Variants in CDH4 observed in about 807,000 individuals in gnomAD.
The protein encoded by CDH4 is cadherin-4.
Under a neutral mutation model 86.0 loss-of-function variants are expected in CDH4, and 33 were observed. That is an observed-to-expected ratio of 0.38 (90% CI 0.29 to 0.51). The LOEUF (loss-of-function observed/expected upper bound fraction) is 0.51. Ranked by LOEUF, CDH4 falls within the 20% of genes least tolerant of loss-of-function variation. CDH4 has a pLI of 0.86. For missense variants in CDH4, 1,114 were observed against 1,307.4 expected, an observed-to-expected ratio of 0.85 and a Z score of 2.28; for synonymous variants, 555 against 549.4, an observed-to-expected ratio of 1.01 and a Z score of -0.14.
At chr20:61,502,527 C>T (rs2085711174) in intron 2 of CDH4, among the ~76,000 whole-genome samples, 1 of 152,282 alleles carries the variant, frequency 6.6e-6, no homozygotes, top group African/African-American at 2.4e-5. Context: ...AGAGGAGTTA[C>T]AGATGCAACA....
chr20:61,823,738 G>A (rs544728123), intron 4 of CDH4, among the ~76,000 whole-genome samples: 1 of 152,286 alleles, frequency 6.6e-6, no homozygotes, highest in East Asian at 1.9e-4. Flanking sequence ...ATCTCTTGGT[G>A]TCCACTGAAG....
chr20:61,570,275 CCTTA>C (rs1339658634), intron 2 of CDH4: 2 of 217,370 alleles, frequency 9.2e-6, no homozygotes, highest in African/African-American at 4.5e-5. Context: ...TATGTACGTG[CCTTA>C]CTTAAAATTC....
intron 6 of CDH4, among the ~76,000 whole-genome samples, chr20:61,860,094 G>T (rs953149527): frequency 2.3e-4 from 35 of 152,258 alleles, no homozygotes; most frequent in African/African-American, 8.2e-4. Flanking sequence ...GCTCCCGGCA[G>T]TGACGCTGTC....
intron 2 of CDH4, among the ~76,000 whole-genome samples, chr20:61,637,559 T>C (rs1471729921): frequency 6.6e-6 from 1 of 152,242 alleles, no homozygotes; most frequent in African/African-American, 2.4e-5. Context: ...TATGTCAGCT[T>C]TTCTGTGAAT....
chr20:61,300,425 C>G (rs901391173), intron 2 of CDH4, among the ~76,000 whole-genome samples: 2 of 152,126 alleles, frequency 1.3e-5, no homozygotes, highest in African/African-American at 4.8e-5. Flanking sequence ...GGCTCCGGCA[C>G]AGGGCACTCT....
chr20:61,678,581 C>T (rs1401645493), intron 2 of CDH4, among the ~76,000 whole-genome samples: 19 of 152,236 alleles, frequency 1.2e-4, no homozygotes, highest in Non-Finnish European at 5.9e-5. Context: ...ACTGCAGTAA[C>T]AAGTGCCACC....
intron 9 of CDH4, among the ~76,000 whole-genome samples, chr20:61,912,338 T>G (rs2054860005): frequency 6.6e-6 from 1 of 152,232 alleles, no homozygotes; most frequent in African/African-American, 2.4e-5. Context: ...GAAAATAGGC[T>G]TTCTCCAGGA....
chr20:61,790,669 C>T (rs968871054), intron 4 of CDH4, among the ~76,000 whole-genome samples: 3 of 152,064 alleles, frequency 2.0e-5, no homozygotes, highest in African/African-American at 7.2e-5. Context: ...ACCCACCCAC[C>T]ATCCATCCAT....
chr20:61,320,819 C>G (rs774877003), intron 2 of CDH4, among the ~76,000 whole-genome samples: 10 of 151,976 alleles, frequency 6.6e-5, no homozygotes, highest in Non-Finnish European at 1.0e-4. Context: ...AGGTCCTGTG[C>G]TGGGAGGGAG....
chr20:61,313,008 C>CGGTGA (rs1437482135), intron 2 of CDH4, among the ~76,000 whole-genome samples: 1 of 152,194 alleles, frequency 6.6e-6, no homozygotes, highest in African/African-American at 2.4e-5. Context: ...TGTGGGGTTG[C>CGGTGA]GGTGAGCCCT....
intron 1 of CDH4, 128 bp from the exon 2 acceptor site, chr20:61,254,698 G>A: frequency 1.4e-6 from 1 of 700,354 alleles, no homozygotes; most frequent in Admixed American, 2.0e-5. Flanking sequence ...GCGTCTGGGT[G>A]GAGACGGTGG....
intron 2 of CDH4, among the ~76,000 whole-genome samples, chr20:61,395,112 C>G: frequency 6.6e-6 from 1 of 151,590 alleles, no homozygotes; most frequent in Non-Finnish European, 1.5e-5. Context: ...TGGGAAGTCC[C>G]AGGGGGGAGA....
chr20:61,568,235 CAT>C (rs1270491206), intron 2 of CDH4, among the ~76,000 whole-genome samples: 1 of 152,154 alleles, frequency 6.6e-6, no homozygotes, highest in Non-Finnish European at 1.5e-5. Context: ...ATAATCCCCA[CAT>C]GTGGTGGGAG....
intron 2 of CDH4, among the ~76,000 whole-genome samples, chr20:61,346,075 A>G (rs2084677830): frequency 6.6e-6 from 1 of 152,204 alleles, no homozygotes; most frequent in Non-Finnish European, 1.5e-5. Flanking sequence ...AAATTAACCC[A>G]CGCGGGATAA....
intron 2 of CDH4, among the ~76,000 whole-genome samples, chr20:61,546,094 G>GTGTGTA (rs796569129): frequency 3.6e-4 from 13 of 36,260 alleles, no homozygotes; most frequent in South Asian, 1.0e-3. Context: ...ACGTGTGTGT[G>GTGTGTA]TGGAGGGGTG....
At chr20:61,574,366 G>A (rs770157295) in intron 2 of CDH4, among the ~76,000 whole-genome samples, 4 of 152,242 alleles carry the variant, frequency 2.6e-5, no homozygotes, top group Non-Finnish European at 4.4e-5. Context: ...GAAATGAAGT[G>A]GACGTAGGCA....
chr20:61,590,058 G>A (rs888775131), intron 2 of CDH4, among the ~76,000 whole-genome samples: 1 of 151,768 alleles, frequency 6.6e-6, no homozygotes, highest in Non-Finnish European at 1.5e-5. Context: ...TGGGCTCCCC[G>A]GACAGAGGGG....
At chr20:61,367,490 A>C (rs1189975482) in intron 2 of CDH4, among the ~76,000 whole-genome samples, 7 of 152,164 alleles carry the variant, frequency 4.6e-5, no homozygotes, top group African/African-American at 1.7e-4. Flanking sequence ...AGGGGCTCCC[A>C]CTGACCCAAC....
intron 2 of CDH4, among the ~76,000 whole-genome samples, chr20:61,715,554 G>A (rs998906829): frequency 1.5e-4 from 23 of 152,308 alleles, no homozygotes; most frequent in Admixed American, 3.3e-4. Flanking sequence ...ATCCATTCAC[G>A]AGGGCAGAGC....
Sources: allele counts gnomAD v4.1 joint callset (sites outside exome capture counted in the v4.1 genomes callset), GRCh38; gene constraint gnomAD v4.1.1; transcripts MANE v1.5; gene names NCBI Gene and HGNC (gene_info 2026-07-23, HGNC 2026-07-21).